The following STK4 variants were observed in gnomAD, a reference collection of about 807,000 sequenced individuals.
STK4 encodes the protein serine/threonine-protein kinase 4.
In STK4, 30 loss-of-function variants were observed where a neutral mutation model predicts 64.9. That is an observed-to-expected ratio of 0.46 (90% CI 0.35 to 0.63). STK4 has a LOEUF of 0.63. STK4 is among the 20% of genes least tolerant of loss of function. The pLI, the probability that STK4 is intolerant of heterozygous loss-of-function variation, is 0.01. For synonymous variants in STK4, 177 were observed against 199.0 expected (o/e 0.89, Z 0.93); for missense variants, 466 against 598.5 (o/e 0.78, Z 2.31).
intron 5 of STK4, among the ~76,000 whole-genome samples, chr20:44,991,769 C>A (rs2067638920): frequency 6.6e-6 from 1 of 151,856 alleles, no homozygotes; most frequent in Admixed American, 6.6e-5. Flanking sequence ...TTAGGTGATA[C>A]CCCCACTTTT....
chr20:45,027,026 G>A (rs1327170978), intron 10 of STK4, among the ~76,000 whole-genome samples: 2 of 152,216 alleles, frequency 1.3e-5, no homozygotes, highest in Non-Finnish European at 2.9e-5. Context: ...AGGCAAAGAT[G>A]TTTAACTACT....
intron 5 of STK4, among the ~76,000 whole-genome samples, chr20:44,994,658 G>T (rs1392515615): frequency 6.6e-6 from 1 of 151,978 alleles, no homozygotes; most frequent in Admixed American, 6.6e-5. Context: ...ACATAAGATA[G>T]ATTTCAAGAA....
chr20:45,004,383 C>T (rs1179679121), intron 9 of STK4: 1 of 152,108 alleles, frequency 6.6e-6, no homozygotes, highest in Admixed American at 6.5e-5. Flanking sequence ...AGTCATGAGC[C>T]ACTGCGCCCG....
intron 3 of STK4, among the ~76,000 whole-genome samples, chr20:44,980,429 C>G (rs2067417079): frequency 6.6e-6 from 1 of 152,180 alleles, no homozygotes; most frequent in Non-Finnish European, 1.5e-5. Flanking sequence ...CCAGTTAAAG[C>G]TGGCAGCTCT....
intron 10 of STK4, among the ~76,000 whole-genome samples, chr20:45,044,812 G>A (rs2068668291): frequency 6.6e-6 from 1 of 152,168 alleles, no homozygotes; most frequent in Non-Finnish European, 1.5e-5. Context: ...CTGGGACCTT[G>A]GGTGAGTCAC....
At chr20:45,031,733 C>G (rs148420565) in intron 10 of STK4, among the ~76,000 whole-genome samples, 4,268 of 151,996 alleles carry the variant, frequency 0.028, 185 homozygotes, top group African/African-American at 0.092. Context: ...GAAACCCCAT[C>G]CCTACTAAAA....
At chr20:45,036,111 A>T (rs1363682643) in intron 10 of STK4, among the ~76,000 whole-genome samples, 2 of 152,212 alleles carry the variant, frequency 1.3e-5, no homozygotes, top group African/African-American at 2.4e-5. Context: ...AAGTGTTCTC[A>T]CCACAAAGAA....
intron 2 of STK4, 102 bp downstream of exon 2, chr20:44,972,260 G>A: frequency 9.7e-7 from 1 of 1,026,620 alleles, no homozygotes. Flanking sequence ...TCTAGGTGGG[G>A]TGGAAGGTAA....
At chr20:45,066,574 G>A (rs1979594971) in intron 10 of STK4, among the ~76,000 whole-genome samples, 1 of 152,092 alleles carries the variant, frequency 6.6e-6, no homozygotes, top group Non-Finnish European at 1.5e-5. Flanking sequence ...ATTCACCCAG[G>A]CTTATGATCT....
chr20:45,056,310 G>A (rs924803005), intron 10 of STK4, among the ~76,000 whole-genome samples: 16 of 152,080 alleles, frequency 1.1e-4, no homozygotes, highest in African/African-American at 3.9e-4. Flanking sequence ...CTAAAGTTTT[G>A]TCTTTTCTGG....
intron 5 of STK4, among the ~76,000 whole-genome samples, chr20:44,989,585 T>G (rs900733343): frequency 1.3e-5 from 2 of 152,190 alleles, no homozygotes; most frequent in Non-Finnish European, 2.9e-5. Context: ...ACAAAATTTT[T>G]AAATTTTGGT....
chr20:45,072,786 A>G (rs949209033), intron 10 of STK4, among the ~76,000 whole-genome samples: 1 of 152,250 alleles, frequency 6.6e-6, no homozygotes, highest in African/African-American at 2.4e-5. Context: ...GAAACAGCTT[A>G]TTTATGGAAG....
chr20:45,005,521 G>A (rs1253856430), intron 9 of STK4, among the ~76,000 whole-genome samples: 2 of 151,858 alleles, frequency 1.3e-5, no homozygotes, highest in Non-Finnish European at 1.5e-5. Context: ...GGTGGCAGGC[G>A]CCTATAGTCC....
At chr20:45,069,785 C>G (rs1426136141) in intron 10 of STK4, among the ~76,000 whole-genome samples, 1 of 152,126 alleles carries the variant, frequency 6.6e-6, no homozygotes, top group Non-Finnish European at 1.5e-5. Flanking sequence ...ATTTCTTCAA[C>G]CAGTATTACG....
At chr20:45,036,813 T>C (rs895697534) in intron 10 of STK4, among the ~76,000 whole-genome samples, 4 of 152,198 alleles carry the variant, frequency 2.6e-5, no homozygotes, top group African/African-American at 9.6e-5. Flanking sequence ...AAAAGCTGAA[T>C]GTATAGGGTT....
intron 5 of STK4, among the ~76,000 whole-genome samples, chr20:44,992,860 A>C (rs1037574844): frequency 1.2e-4 from 18 of 151,826 alleles, no homozygotes; most frequent in Admixed American, 6.6e-4. Context: ...ACACCCGGCT[A>C]ATTTTTTGTA....
chr20:45,053,247 G>T (rs1978300025), intron 10 of STK4: 1 of 1,345,774 alleles, frequency 7.4e-7, no homozygotes, highest in African/African-American at 1.5e-5. Context: ...CGTGCTAGCT[G>T]ATTTGAGCTG....
intron 10 of STK4, among the ~76,000 whole-genome samples, chr20:45,035,521 CT>C (rs2068514010): frequency 6.6e-6 from 1 of 152,074 alleles, no homozygotes; most frequent in African/African-American, 2.4e-5. Context: ...AATGAAGTTG[CT>C]TTCAGATTTC....
intron 10 of STK4, among the ~76,000 whole-genome samples, chr20:45,028,347 G>C (rs2068389492): frequency 6.8e-6 from 1 of 146,666 alleles, no homozygotes; most frequent in African/African-American, 2.5e-5. Flanking sequence ...TTTTTTAAGA[G>C]ATAGGGTCTT....
Sources: gnomAD v4.1 joint callset for allele counts (sites outside exome capture counted in the v4.1 genomes callset) on GRCh38, gnomAD v4.1.1 for gene constraint, MANE v1.5 for transcripts, NCBI Gene and HGNC (gene_info 2026-07-23, HGNC 2026-07-21) for gene names.